The following ZCCHC14 variants were observed in gnomAD, a reference collection of about 807,000 sequenced individuals.
The protein encoded by ZCCHC14 is zinc finger CCHC-type containing 14, also known as zinc finger CCHC domain-containing protein 14.
A neutral mutation model predicts 85.0 loss-of-function variants in ZCCHC14; 16 were observed. The ratio of observed to expected loss-of-function variants is 0.19; its 90% CI spans 0.13 to 0.29. The LOEUF is 0.29. ZCCHC14 is among the 10% of genes least tolerant of loss of function. ZCCHC14 has a pLI of 1.00. For missense variants in ZCCHC14, 1,303 were observed against 1,443.5 expected (o/e 0.90, Z 1.58); for synonymous variants, 775 against 630.7 (o/e 1.23, Z -3.43).
At chr16:87,479,109 TAG>T (rs1321453753) in intron 1 of ZCCHC14, among the ~76,000 whole-genome samples, 20 of 152,078 alleles carry the variant, frequency 1.3e-4, no homozygotes, top group African/African-American at 2.4e-5. Flanking sequence ...ATGTTTTAAT[TAG>T]AGTCATTAAG....
chr16:87,410,843 G>C (rs1908396963), intron 12 of ZCCHC14, among the ~76,000 whole-genome samples: 1 of 152,216 alleles, frequency 6.6e-6, no homozygotes, highest in East Asian at 1.9e-4. Context: ...GAGAATCACA[G>C]ATCTAGTGCA....
At chr16:87,430,201 A>G (rs1338694110) in intron 3 of ZCCHC14, among the ~76,000 whole-genome samples, 3 of 152,196 alleles carry the variant, frequency 2.0e-5, no homozygotes, top group Non-Finnish European at 4.4e-5. Flanking sequence ...GTCTCCGATC[A>G]CTTCTGAGTT....
intron 1 of ZCCHC14, among the ~76,000 whole-genome samples, chr16:87,483,292 T>C (rs1489203121): frequency 3.2e-5 from 3 of 92,778 alleles, no homozygotes; most frequent in South Asian, 4.3e-4. Flanking sequence ...ACCCCATCTC[T>C]ACTAAAAATA....
rs545339731 is a variant in ZCCHC14 at position 87,419,687 on chromosome 16, C to T, written c.1045+96G>A. ...CCAACCTCAGGTGATCCGCCCGCCT[C>T]AGCCTCCCAAAGTGCTGGGATTACA... On this transcript the variant is annotated intron_variant, in intron 6 of 12. Transcript: ENST00000671377. 103 of 1,071,368 alleles carry T rather than the reference C, an allele frequency of 9.6e-5. No homozygotes were observed. The African/African-American group carries it at 1.5e-3, about 16-fold the overall frequency. 66.4% of individuals were successfully genotyped at this position (1,071,368 alleles called of 1,614,324 possible). A position where few individuals can be genotyped will look rare whatever the true frequency, so the allele number is the denominator to read the frequency against.
intron 1 of ZCCHC14, among the ~76,000 whole-genome samples, chr16:87,479,177 G>A (rs1213978079): frequency 6.6e-6 from 1 of 152,076 alleles, no homozygotes; most frequent in Non-Finnish European, 1.5e-5. Context: ...AGCACCGTGG[G>A]AGGCTGAGGC....
At chr16:87,456,149 T>C (rs1414668816) in intron 2 of ZCCHC14, among the ~76,000 whole-genome samples, 1 of 152,132 alleles carries the variant, frequency 6.6e-6, no homozygotes, top group Non-Finnish European at 1.5e-5. Flanking sequence ...CATAAGGAAA[T>C]TGAAACTATC....
chr16:87,426,127 C>T (rs941986490), intron 3 of ZCCHC14, among the ~76,000 whole-genome samples: 1 of 152,140 alleles, frequency 6.6e-6, no homozygotes, highest in African/African-American at 2.4e-5. Flanking sequence ...GTCGCTCGCT[C>T]TGCAGGTGAT....
intron 2 of ZCCHC14, among the ~76,000 whole-genome samples, chr16:87,453,303 T>C (rs1910795263): frequency 2.6e-5 from 4 of 152,194 alleles, no homozygotes; most frequent in Non-Finnish European, 5.9e-5. Flanking sequence ...AGAACGATTC[T>C]GGGGAAAAAA....
intron 2 of ZCCHC14, among the ~76,000 whole-genome samples, chr16:87,446,192 A>C (rs1175711856): frequency 2.6e-5 from 4 of 151,882 alleles, no homozygotes; most frequent in Non-Finnish European, 4.4e-5. Flanking sequence ...AAAGACTTAA[A>C]AAAAAAATTG....
chr16:87,475,098 A>T (rs962803527), intron 1 of ZCCHC14, among the ~76,000 whole-genome samples: 1 of 152,248 alleles, frequency 6.6e-6, no homozygotes, highest in African/African-American at 2.4e-5. Flanking sequence ...CAAAGAGGAA[A>T]GAGTTAGCTC....
In ZCCHC14 at chr16:87,412,111, C is replaced by T. The variant is rs776734864; in HGVS notation, c.2610G>A (p.Pro870=). The change falls in exon 12 of 13, where the codon CCG becomes CCA. Residue 870 remains proline (P), a synonymous_variant. Coordinates refer to ENST00000671377, the MANE Select transcript of ZCCHC14 (RefSeq NM_015144.3). The part of the protein sequence containing the change: ...LPSCPAPSSS[P]ALSSVPESSF... ...TGCTTTCAGGGACGGAGGACAGCGC[C>T]GGGCTGGAGCTGGGGGCTGGGCAGC... 1.1e-5 allele frequency: 17 copies of T among 1,613,424 alleles called. No homozygotes were observed. Among genetic ancestry groups the T allele is most frequent in the Admixed American group, 5.0e-5 (3 of 59,998 alleles).
At position 87,487,796 on chromosome 16, in the gene ZCCHC14, C is replaced by T. The variant is rs1912578370; in HGVS notation, c.570+3873G>A. Among the ~76,000 whole-genome samples, 4 of 152,372 alleles carry T rather than the reference C, an allele frequency of 2.6e-5. No homozygotes were observed. The South Asian group carries it at 8.3e-4, about 32-fold the overall frequency. On this transcript the variant is annotated intron_variant, in intron 1 of 12. Coordinates refer to ENST00000671377, the MANE Select transcript of ZCCHC14 (RefSeq NM_015144.3). The stretch of plus-strand genomic sequence containing the variant: ...GGCCTCTTCACACAGGGGAACGCCA[C>T]TCGGCAGCGAAAGAGGAGGAAGTGC...
intron 1 of ZCCHC14, among the ~76,000 whole-genome samples, chr16:87,490,980 C>G (rs757087797): frequency 3.9e-5 from 6 of 152,240 alleles, no homozygotes; most frequent in African/African-American, 2.4e-5. Context: ...CGGGGAAGCC[C>G]CAGCGCCTTG....
intron 1 of ZCCHC14, among the ~76,000 whole-genome samples, chr16:87,463,091 A>G (rs191680588): frequency 6.6e-6 from 1 of 150,916 alleles, no homozygotes. Flanking sequence ...AAAAAGAAAA[A>G]AGAAACACAG....
chr16:87,429,440 T>C lies in ZCCHC14; in HGVS notation c.768+3688A>G, dbSNP rs569748156. Reference sequence around the variant, plus strand: ...GATATTCCTGCCTCAGCCTCCCGAGTAGCTGGAACTGCAGGCATGTGCCAC... The same window carrying C: ...GATATTCCTGCCTCAGCCTCCCGAGCAGCTGGAACTGCAGGCATGTGCCAC... On this transcript the variant is annotated intron_variant, in intron 3 of 12. Coordinates refer to ENST00000671377, the MANE Select transcript of ZCCHC14 (RefSeq NM_015144.3). Among the ~76,000 whole-genome samples, 26 of 149,630 alleles carry C rather than the reference T, an allele frequency of 1.7e-4. 1 individual carries two copies. In the East Asian group the frequency reaches 5.0e-3, roughly 29 times the overall value.
rs755828852 is a variant in ZCCHC14, at chr16:87,411,505, C to T, written c.3205+11G>A. The T allele has an allele frequency of 9.3e-6, 15 of 1,612,936 alleles. No individual in the cohort carries two copies. Among genetic ancestry groups the T allele is most frequent in the Admixed American group, 3.3e-5 (2 of 60,004 alleles). On this transcript the variant is annotated intron_variant, in intron 12 of 12. Coordinates refer to ENST00000671377, the MANE Select transcript of ZCCHC14 (RefSeq NM_015144.3). ...GGGAGCCTGGTGGGCGCGGCCATGGCGCGCGCTTACCTGGCCGGTTGAAGT... is the reference window on the plus strand; with the variant it reads ...GGGAGCCTGGTGGGCGCGGCCATGGTGCGCGCTTACCTGGCCGGTTGAAGT...
chr16:87,415,900 A>G (rs1908756890), intron 8 of ZCCHC14, among the ~76,000 whole-genome samples: 1 of 151,634 alleles, frequency 6.6e-6, no homozygotes, highest in South Asian at 2.1e-4. Context: ...TGAGACAAAA[A>G]TCTCGCTCTT....
At chr16:87,456,446 T>C (rs888623953) in intron 2 of ZCCHC14, among the ~76,000 whole-genome samples, 1 of 140,340 alleles carries the variant, frequency 7.1e-6, no homozygotes, top group African/African-American at 2.7e-5. Flanking sequence ...GGCAAGAGAA[T>C]GGCGTGAACC....
rs1249760092 is a variant in ZCCHC14 at position 87,477,918 on chromosome 16, C to T, written c.570+13751G>A. Among the ~76,000 whole-genome samples, 3 of 151,596 alleles carry T rather than the reference C, an allele frequency of 2.0e-5. No individual in the cohort carries two copies. The South Asian group carries it at 6.3e-4, about 32-fold the overall frequency. On this transcript the variant is annotated intron_variant, in intron 1 of 12. Transcript: ENST00000671377. Reference sequence around the variant, plus strand: ...CCGCATCCCCCTGAACCTGCTGCCCCTCACCGCACACACCTGGGGAACACA... The same window carrying T: ...CCGCATCCCCCTGAACCTGCTGCCCTTCACCGCACACACCTGGGGAACACA...
Sources: gnomAD v4.1 joint callset for allele counts (sites outside exome capture counted in the v4.1 genomes callset) on GRCh38, gnomAD v4.1.1 for gene constraint, MANE v1.5 for transcripts, NCBI Gene and HGNC (gene_info 2026-07-23, HGNC 2026-07-21) for gene names.